Variants in NOTCH2 observed in about 807,000 individuals in gnomAD.
NOTCH2 encodes notch receptor 2.
In NOTCH2, 29 loss-of-function variants were observed where a neutral mutation model predicts 235.8. That is an observed-to-expected ratio of 0.12 (90% confidence interval 0.09 to 0.17). The LOEUF (loss-of-function observed/expected upper bound fraction) is 0.17. Among genes scored for constraint, NOTCH2 ranks in the 10% least tolerant of loss-of-function variants. The pLI, the probability that NOTCH2 is intolerant of heterozygous loss-of-function variation, is 1.00. For missense variants in NOTCH2, 2,285 were observed against 3,150.2 expected, an observed-to-expected ratio of 0.73 and a Z score of 6.57; for synonymous variants, 1,086 against 1,141.5, an observed-to-expected ratio of 0.95 and a Z score of 0.98.
chr1:119,948,853 T>A (rs1371873478), intron 16 of NOTCH2, among the ~76,000 whole-genome samples, 154 bp downstream of exon 16: 1 of 152,130 alleles, frequency 6.6e-6, no homozygotes, highest in East Asian at 1.9e-4. Context: ...TCTAAGCCAT[T>A]TCAAGTAGCA....
intron 2 of NOTCH2, among the ~76,000 whole-genome samples, chr1:120,026,983 G>A (rs4067773): frequency 2.5e-4 from 31 of 124,964 alleles, no homozygotes; most frequent in South Asian, 1.1e-3. Flanking sequence ...ACACAGTCTC[G>A]CTCTGTCGCT....
intron 14 of NOTCH2, among the ~76,000 whole-genome samples, chr1:119,951,582 C>T (rs1650477204): frequency 6.6e-6 from 1 of 152,234 alleles, no homozygotes; most frequent in Non-Finnish European, 1.5e-5. Flanking sequence ...ACCATGTCTA[C>T]CACCCATGTG....
chr1:120,025,404 A>C (rs1553209733), intron 2 of NOTCH2, among the ~76,000 whole-genome samples: 7 of 152,296 alleles, frequency 4.6e-5, no homozygotes, highest in Non-Finnish European at 8.8e-5. Flanking sequence ...TAGAAGGGTC[A>C]CATCTTGGGA....
Position 119,916,147 on chromosome 1 carries a change from G to C in NOTCH2, c.6575C>G (p.Pro2192Arg). The C allele has an allele frequency of 6.2e-7, 1 of 1,614,218 alleles. No individual in the cohort carries two copies. The highest frequency in any genetic ancestry group is 8.5e-7 in the Non-Finnish European group (1 of 1,180,032). ...AGATAGTGCATGCTGGGCATGGACT[G>C]GGGCAGGAGGGGCGGCAGTGGCCAA... ...PMLATAAPPAPVHAQHALSFS... is the reference protein window; with the variant it reads ...PMLATAAPPARVHAQHALSFS... Residue 2192 changes from proline to arginine, a missense_variant, in exon 34 of 34, where the codon CCA becomes CGA. Physicochemically the swap from Pro to Arg is moderately radical, Grantham distance 103. Coordinates refer to ENST00000256646, the MANE Select transcript of NOTCH2 (RefSeq NM_024408.4).
chr1:120,033,409 T>A (rs1570767563), intron 1 of NOTCH2, among the ~76,000 whole-genome samples: 1 of 22,778 alleles, frequency 4.4e-5, no homozygotes, highest in African/African-American at 3.3e-4. Context: ...AGACTCCATC[T>A]CAAAAAAAAA....
intron 12 of NOTCH2, among the ~76,000 whole-genome samples, chr1:119,958,285 C>T (rs1194782440): frequency 6.6e-6 from 1 of 152,216 alleles, no homozygotes; most frequent in Non-Finnish European, 1.5e-5. Context: ...AGTGATCTTT[C>T]ACTGAACAGG....
chr1:119,939,982 T>C (rs1207393407), intron 19 of NOTCH2, among the ~76,000 whole-genome samples: 1 of 152,244 alleles, frequency 6.6e-6, no homozygotes, highest in Non-Finnish European at 1.5e-5. Context: ...TATGCAACTT[T>C]GGAAAAGTTA....
At chr1:119,970,944 T>G (rs2101150920) in intron 5 of NOTCH2, among the ~76,000 whole-genome samples, 1 of 152,306 alleles carries the variant, frequency 6.6e-6, no homozygotes, top group South Asian at 2.1e-4. Flanking sequence ...AGAGGCCTCC[T>G]AATAAAAAAA....
intron 3 of NOTCH2, among the ~76,000 whole-genome samples, chr1:120,002,535 A>G (rs1364144279): frequency 6.7e-6 from 1 of 149,830 alleles, no homozygotes; most frequent in Admixed American, 6.6e-5. Context: ...TCAGGAAAAA[A>G]AAAAACATAA....
At chr1:119,975,717 T>A (rs1267901627) in intron 5 of NOTCH2, among the ~76,000 whole-genome samples, 5 of 151,700 alleles carry the variant, frequency 3.3e-5, no homozygotes, top group African/African-American at 1.2e-4. Context: ...CTAAGAGGTC[T>A]GTGCTGAAAT....
Position 119,919,348 on chromosome 1 carries a change from A to G in NOTCH2, c.5745T>C (p.His1915=). The change falls in exon 31 of 34, where the codon CAT becomes CAC. Residue 1915 remains histidine (H), a synonymous_variant. Transcript: ENST00000256646. ...AQDNMGRCPL[H]AAVAADAQGV... The stretch of plus-strand genomic sequence containing the variant: ...CTTGGGCATCAGCTGCCACTGCAGC[A>G]TGGAGTGGACAGCGGCCCATGTTGT... 1 of 1,613,232 alleles carries G rather than the reference A, an allele frequency of 6.2e-7. No individual in the cohort carries two copies. The highest frequency in any genetic ancestry group is 8.5e-7 in the Non-Finnish European group (1 of 1,180,030).
intron 1 of NOTCH2, among the ~76,000 whole-genome samples, chr1:120,045,697 T>C (rs1654757946): frequency 1.3e-5 from 2 of 152,286 alleles, no homozygotes; most frequent in Admixed American, 6.5e-5. Flanking sequence ...CTTTATCTTT[T>C]CTACCTCAAG....
chr1:119,975,997 C>A (rs1212175780), intron 5 of NOTCH2, among the ~76,000 whole-genome samples: 1 of 152,236 alleles, frequency 6.6e-6, no homozygotes, highest in East Asian at 1.9e-4. Flanking sequence ...CTCATCCTTT[C>A]CAGTCATCTC....
At chr1:119,983,914 T>C (rs1651913284) in intron 5 of NOTCH2, among the ~76,000 whole-genome samples, 1 of 152,216 alleles carries the variant, frequency 6.6e-6, no homozygotes, top group South Asian at 2.1e-4. Flanking sequence ...TATAGTCTTA[T>C]CCATTCTTTT....
At chr1:119,965,739 G>A (rs916224064) in intron 9 of NOTCH2, among the ~76,000 whole-genome samples, 173 bp from the exon 10 acceptor site, 1 of 152,200 alleles carries the variant, frequency 6.6e-6, no homozygotes, top group Non-Finnish European at 1.5e-5. Context: ...GGGAATCAGA[G>A]GCACTTGTGG....
intron 1 of NOTCH2, among the ~76,000 whole-genome samples, chr1:120,039,346 T>C (rs1481934946): frequency 1.3e-5 from 2 of 152,126 alleles, no homozygotes; most frequent in African/African-American, 4.8e-5. Flanking sequence ...ATTTGTACTA[T>C]TATCAAGACA....
chr1:119,926,310 G>C (rs989549661), intron 24 of NOTCH2, among the ~76,000 whole-genome samples, 189 bp downstream of exon 24: 3 of 152,286 alleles, frequency 2.0e-5, no homozygotes, highest in East Asian at 3.9e-4. Context: ...GCTTTTATTT[G>C]TTTTTGTTTT....
chr1:119,949,155 A>C, intron 15 of NOTCH2, 29 bp from the exon 16 acceptor site: 5 of 1,613,906 alleles, frequency 3.1e-6, no homozygotes, highest in Non-Finnish European at 4.2e-6. Flanking sequence ...AGTTTATGAC[A>C]GATAAACAGG....
At chr1:119,934,751 C>A (rs782813869) in intron 22 of NOTCH2, among the ~76,000 whole-genome samples, 4 of 152,178 alleles carry the variant, frequency 2.6e-5, no homozygotes, top group African/African-American at 9.7e-5. Context: ...GTGTGGATGG[C>A]CTTTTACATT....
Sources: gnomAD v4.1 joint callset for allele counts (sites outside exome capture counted in the v4.1 genomes callset) on GRCh38, gnomAD v4.1.1 for gene constraint, MANE v1.5 for transcripts, NCBI Gene and HGNC (gene_info 2026-07-23, HGNC 2026-07-21) for gene names.